TECPR1: variants seen among roughly 807,000 people sequenced by gnomAD.
The protein encoded by TECPR1 is tectonin beta-propeller repeat-containing protein 1.
In TECPR1, 122 loss-of-function variants were observed where a neutral mutation model predicts 162.4. The observed-to-expected ratio is 0.75, with a 90% CI of 0.65 to 0.87. The LOEUF (loss-of-function observed/expected upper bound fraction) is 0.87. Ranked by LOEUF, TECPR1 falls within the 40% of genes least tolerant of loss-of-function variation. The probability of loss-of-function intolerance (pLI) is 0.00; values close to 1 mark genes in which losing one functional copy is unlikely to be tolerated. For synonymous variants in TECPR1, 642 were observed against 670.6 expected, an observed-to-expected ratio of 0.96 and a Z score of 0.66; for missense variants, 1,432 against 1,618.2, an observed-to-expected ratio of 0.88 and a Z score of 1.97.
At chr7:98,227,821 C>CAAAAAA (rs61468739) in intron 17 of TECPR1, among the ~76,000 whole-genome samples, 193 bp downstream of exon 17, 3 of 102,602 alleles carry the variant, frequency 2.9e-5, no homozygotes, top group South Asian at 7.6e-4. Flanking sequence ...GACCCTGTAT[C>CAAAAAA]AAAAAAAAAA....
At chr7:98,231,751 C>A (rs1798447222) in intron 13 of TECPR1, 53 bp downstream of exon 13, 2 of 1,587,132 alleles carry the variant, frequency 1.3e-6, no homozygotes, top group Admixed American at 1.7e-5. Flanking sequence ...TCCTCTAGCA[C>A]CCCAGCCCTG....
chr7:98,247,646 G>T (rs531877398), intron 2 of TECPR1, among the ~76,000 whole-genome samples: 2 of 152,212 alleles, frequency 1.3e-5, no homozygotes, highest in South Asian at 2.1e-4. Context: ...TTTTCTTCAT[G>T]CGCCCTCAGT....
At chr7:98,226,716 G>A (rs1053151178) in intron 17 of TECPR1, 34 of 1,162,194 alleles carry the variant, frequency 2.9e-5, no homozygotes, top group Non-Finnish European at 3.4e-5. Context: ...GGCGGGCTTC[G>A]GGAGTTCAGG....
chr7:98,229,192 G>C, intron 15 of TECPR1, 26 bp from the exon 16 acceptor site: 1 of 1,549,512 alleles, frequency 6.5e-7, no homozygotes, highest in Non-Finnish European at 8.7e-7. Context: ...AGGGCAGGTG[G>C]AAACCCCTCA....
chr7:98,223,003 T>C lies in TECPR1; in HGVS notation c.2915A>G (p.Glu972Gly). 1.9e-6 allele frequency: 3 copies of C among 1,611,866 alleles called. No homozygotes were observed. The highest frequency in any genetic ancestry group is 2.5e-6 in the Non-Finnish European group (3 of 1,179,570). ...CCCGGCACTCACCGCAGGGTTGAGC[T>C]CCGACACGCCCAGGCGGCACAGCAC... is the stretch of plus-strand genomic sequence containing the variant. ...GDVLCRLGVS[E>G]LNPAGSSWLH... is the part of the protein sequence containing the mutation. Residue 972 changes from glutamate (E) to glycine (G), a missense_variant, in exon 21 of 26, where the codon GAG becomes GGG. Transcript: ENST00000447648.
intron 10 of TECPR1, among the ~76,000 whole-genome samples, chr7:98,235,849 A>AAAAAAAAC: frequency 1.8e-5 from 2 of 110,342 alleles, no homozygotes; most frequent in African/African-American, 6.2e-5. Context: ...AAAAAAAAAA[A>AAAAAAAAC]AACACCATCT....
At position 98,232,948 on chromosome 7, in the gene TECPR1, A is replaced by G; in HGVS notation, c.1697T>C (p.Leu566Pro). 1 of 1,612,406 alleles carries G rather than the reference A, an allele frequency of 6.2e-7. No individual in the cohort carries two copies. The highest frequency in any genetic ancestry group is 8.5e-7 in the Non-Finnish European group (1 of 1,179,742). ...CTGGGCCGGCGTGATGGACAGGGACAGCATGTGTACCGAGGAGGACAGGCC... is the reference window on the plus strand; with the variant it reads ...CTGGGCCGGCGTGATGGACAGGGACGGCATGTGTACCGAGGAGGACAGGCC... Reference protein sequence around the residue: ...QAGLSSSVHMLSLSITPAQTA... With the variant: ...QAGLSSSVHMPSLSITPAQTA... The change falls in exon 12 of 26, where the codon CTG becomes CCG. Residue 566 changes from leucine (L) to proline (P), a missense_variant. Transcript: ENST00000447648. This position sits in a 1 kb window ranked among gnomAD's most constrained non-coding sequence, Gnocchi z 4.6.
Position 98,232,684 on chromosome 7 carries a change from A to G in TECPR1, c.1818+143T>C. 2 of 1,148,382 alleles carry G rather than the reference A, an allele frequency of 1.7e-6. No homozygotes were observed. Among genetic ancestry groups the G allele is most frequent in the South Asian group, 1.8e-5 (1 of 56,810 alleles). 71.1% of individuals were successfully genotyped at this position (1,148,382 alleles called of 1,614,324 possible). ...GGATGGACGAAGAAACCCTGAGCTC[A>G]TTTCTCTATGCCTGCATCTGGGCGG... On this transcript the variant is annotated intron_variant, in intron 12 of 25. Coordinates refer to ENST00000447648, the MANE Select transcript of TECPR1 (RefSeq NM_015395.3). This position sits in a 1 kb window ranked among gnomAD's most constrained non-coding sequence, Gnocchi z 4.6.
In TECPR1 at chr7:98,243,480, G is replaced by C. The variant is rs768767161; in HGVS notation, c.644C>G (p.Ser215Cys). 5.6e-6 allele frequency: 9 copies of C among 1,612,376 alleles called. No homozygotes were observed. The Admixed American group carries it at 1.5e-4, about 27-fold the overall frequency. Residue 215 changes from serine to cysteine, a missense_variant, in exon 6 of 26, where the codon TCT becomes TGT. Transcript: ENST00000447648. Reference sequence around the variant, plus strand: ...GGTTGGCCTTACCTTGCCCTGCAGAGACACAGCCCACACTGACAGGCGGCC... The same window carrying C: ...GGTTGGCCTTACCTTGCCCTGCAGACACACAGCCCACACTGACAGGCGGCC... ...PVGRLSVWAVSLQGKVWYRED... is the reference protein window; with the variant it reads ...PVGRLSVWAVCLQGKVWYRED...
chr7:98,221,074 G>C (rs1449219258), intron 23 of TECPR1, among the ~76,000 whole-genome samples: 1 of 151,416 alleles, frequency 6.6e-6, no homozygotes, highest in Non-Finnish European at 1.5e-5. Flanking sequence ...GGCCGAGGTG[G>C]GCAGGTCACT....
rs1235465749 is a variant in TECPR1, at chr7:98,228,056, T to C, written c.2471A>G (p.Tyr824Cys). The change falls in exon 17 of 26, where the codon TAT (tyrosine) becomes TGT (cysteine). Residue 824 changes from tyrosine to cysteine, a missense_variant. Transcript: ENST00000447648. ...TQSDVKCVHI[Y>C]ENQRWNPVTG... ...GACGGGGTTCCAGCGCTGGTTCTCATAGATGTGAACACACTTCACGTCTGA... is the reference window on the plus strand; with the variant it reads ...GACGGGGTTCCAGCGCTGGTTCTCACAGATGTGAACACACTTCACGTCTGA... The C allele has an allele frequency of 1.5e-5, 24 of 1,613,134 alleles. No individual in the cohort carries two copies. Among genetic ancestry groups the C allele is most frequent in the East Asian group, 2.2e-5 (1 of 44,866 alleles).
intron 8 of TECPR1, among the ~76,000 whole-genome samples, chr7:98,240,145 C>A (rs529163505): frequency 6.6e-6 from 1 of 151,930 alleles, no homozygotes; most frequent in Admixed American, 6.6e-5. Context: ...TGTGAGTAAT[C>A]GGAAATCGGC....
rs566891068 is a variant in TECPR1 at position 98,240,341 on chromosome 7, C to T, written c.933+510G>A. ...AGCGTGTGGGTGGAAGAGGATTTTA[C>T]GGCACAAAACGTCCTGGAGATTGGC... On this transcript the variant is annotated intron_variant, in intron 8 of 25. Transcript: ENST00000447648. Among the ~76,000 whole-genome samples, 6 of 152,234 alleles carry T rather than the reference C, an allele frequency of 3.9e-5. No homozygotes were observed. In the East Asian group the frequency reaches 5.8e-4, roughly 15 times the overall value.
At position 98,243,430 on chromosome 7, in the gene TECPR1, C is replaced by T. The variant is rs556698508; in HGVS notation, c.657+37G>A. 1.1e-5 allele frequency: 17 copies of T among 1,608,930 alleles called. 1 individual carries two copies. The highest frequency in any genetic ancestry group is 6.7e-5 in the Admixed American group (4 of 59,870). On this transcript the variant is annotated intron_variant, in intron 6 of 25. Transcript: ENST00000447648. ...GGACAGGACCCACAGGAGGTGGGATCGTGGGGAGCCAGGGCAGGGAGAGGG... is the reference window on the plus strand; with the variant it reads ...GGACAGGACCCACAGGAGGTGGGATTGTGGGGAGCCAGGGCAGGGAGAGGG...
intron 9 of TECPR1, 81 bp downstream of exon 9, chr7:98,238,428 G>A (rs1377990248): frequency 9.6e-6 from 11 of 1,146,478 alleles, no homozygotes; most frequent in Admixed American, 4.0e-5. Flanking sequence ...AGTGGGAAGC[G>A]GCCACTAGGC....
At chr7:98,248,533 C>CAAAAAA (rs60387349) in intron 2 of TECPR1, among the ~76,000 whole-genome samples, 1 of 9,620 alleles carries the variant, frequency 1.0e-4, no homozygotes. Context: ...CTGCCACCGG[C>CAAAAAA]AAAAAAAAAA....
Position 98,231,181 on chromosome 7 carries a change from G to A in TECPR1, c.2124+43C>T, listed in dbSNP as rs759045554. 2.2e-5 allele frequency: 36 copies of A among 1,608,698 alleles called. No homozygotes were observed. The East Asian group carries it at 7.8e-4, about 35-fold the overall frequency. ...AGGCCAGGCCAGGCCACCCCACCAT[G>A]GCTATCCCTCCCCCCGGCCCGAGGG... On this transcript the variant is annotated intron_variant, in intron 14 of 25. Transcript: ENST00000447648.
At chr7:98,223,544 C>A in intron 20 of TECPR1, 118 bp downstream of exon 20, 1 of 1,092,822 alleles carries the variant, frequency 9.2e-7, no homozygotes, top group South Asian at 1.4e-5. Flanking sequence ...TGCTTCTTCC[C>A]TTGGGACTGA....
rs557201127 is a variant in TECPR1 at position 98,222,660 on chromosome 7, C to T, written c.2929-139G>A. Reference sequence around the variant, plus strand: ...CAGCCGGGAGTCACACAGCCCCACCCGGCCTGATCTCGGTGCTTGTTGAAA... The same window carrying T: ...CAGCCGGGAGTCACACAGCCCCACCTGGCCTGATCTCGGTGCTTGTTGAAA... On this transcript the variant is annotated intron_variant, in intron 21 of 25. Coordinates refer to ENST00000447648, the MANE Select transcript of TECPR1 (RefSeq NM_015395.3). 55 of 1,074,776 alleles carry T rather than the reference C, an allele frequency of 5.1e-5. 1 individual carries two copies. Among genetic ancestry groups the T allele is most frequent in the Middle Eastern group, 3.1e-4 (1 of 3,278 alleles). The allele number at this position is 1,074,776 out of a possible 1,614,324, so 66.6% of individuals were successfully genotyped here. A position where few individuals can be genotyped will look rare whatever the true frequency, so the allele number is the denominator to read the frequency against.
Sources: gnomAD v4.1 joint callset for allele counts (sites outside exome capture counted in the v4.1 genomes callset) on GRCh38, gnomAD v4.1.1 for gene constraint, Gnocchi (gnomAD v3.1) non-coding constraint, MANE v1.5 for transcripts, NCBI Gene and HGNC (gene_info 2026-07-23, HGNC 2026-07-21) for gene names.